Variants in KPNA7 observed in about 807,000 individuals in gnomAD.
KPNA7 encodes the protein karyopherin subunit alpha 7.
In KPNA7, 54 loss-of-function variants were observed where a neutral mutation model predicts 53.7. The observed-to-expected ratio is 1.01, with a 90% CI of 0.81 to 1.26. The LOEUF (loss-of-function observed/expected upper bound fraction) is 1.26, where lower values mean the gene tolerates loss of function less well. Among genes scored for constraint, KPNA7 ranks in the 50% most tolerant of loss-of-function variants. KPNA7 has a pLI of 0.00. For missense variants in KPNA7, 640 were observed against 644.5 expected (o/e 0.99, Z 0.07); for synonymous variants, 276 against 259.3 (o/e 1.06, Z -0.62).
intron 8 of KPNA7, among the ~76,000 whole-genome samples, chr7:99,184,412 C>G (rs1789466417): frequency 6.6e-6 from 1 of 152,180 alleles, no homozygotes; most frequent in African/African-American, 2.4e-5. Context: ...ATCCACCTGA[C>G]TGGGCCTCCC....
chr7:99,170,931 C>T, downstream of KPNA7, among the ~76,000 whole-genome samples: 1 of 152,220 alleles, frequency 6.6e-6, no homozygotes, highest in South Asian at 2.1e-4. Flanking sequence ...GGATTGTCAA[C>T]CAGGAGTCAA....
At position 99,207,382 on chromosome 7, in the gene KPNA7, G is replaced by GT; in HGVS notation, c.66+18dup. On this transcript the variant is annotated intron_variant, in intron 2 of 10. Transcript: ENST00000327442. Reference sequence around the variant, plus strand: ...TTGCACTGGTCCCCAATAGAAGCAGGTGGGTGCTTCATACTCACAGACACA... The same window carrying GT: ...TTGCACTGGTCCCCAATAGAAGCAGGTTGGGTGCTTCATACTCACAGACACA... 1.9e-6 allele frequency: 3 copies of GT among 1,548,084 alleles called. No homozygotes were observed. The highest frequency in any genetic ancestry group is 2.6e-6 in the Non-Finnish European group (3 of 1,143,944).
the KPNA7 span, among the ~76,000 whole-genome samples, chr7:99,161,898 C>G: frequency 6.6e-6 from 1 of 152,146 alleles, no homozygotes; most frequent in Admixed American, 6.6e-5. Flanking sequence ...CCCCAGGGCT[C>G]ATGGCTCCAA....
intron 7 of KPNA7, among the ~76,000 whole-genome samples, chr7:99,186,194 G>A (rs1218382879): frequency 6.6e-6 from 1 of 152,172 alleles, no homozygotes; most frequent in Non-Finnish European, 1.5e-5. Flanking sequence ...ATTTCCTGGT[G>A]TGATTGGGAA....
At chr7:99,217,815 G>A (rs540392051) in intron 1 of KPNA7, among the ~76,000 whole-genome samples, 2 of 151,840 alleles carry the variant, frequency 1.3e-5, no homozygotes, top group East Asian at 3.9e-4. Flanking sequence ...ATTTTTACTA[G>A]AGACAGAGTT....
chr7:99,185,617 C>A (rs1789540569), intron 7 of KPNA7, among the ~76,000 whole-genome samples: 1 of 151,376 alleles, frequency 6.6e-6, no homozygotes, highest in Non-Finnish European at 1.5e-5. Flanking sequence ...AATCATGAGC[C>A]ACTGTGCCTG....
downstream of KPNA7, among the ~76,000 whole-genome samples, chr7:99,172,048 T>C (rs74478205): frequency 0.012 from 1,789 of 152,238 alleles, 33 homozygotes; most frequent in African/African-American, 0.041. Context: ...AGCATATGAG[T>C]GAAGATGTGG....
rs555500908 is a variant in KPNA7 at position 99,187,547 on chromosome 7, C to A, written c.900+753G>T. Among the ~76,000 whole-genome samples, 7 of 138,656 alleles carry A rather than the reference C, an allele frequency of 5.0e-5. No individual in the cohort carries two copies. The East Asian group carries it at 1.1e-3, about 22-fold the overall frequency. The allele number at this position is 138,656 out of a possible 152,430, so 91.0% of individuals were successfully genotyped here. ...GAGACTACAGGTATGCACCACCACA[C>A]CCAGCTAATTTTTTTTTTTTTTTTT... On this transcript the variant is annotated intron_variant, in intron 7 of 10. Transcript: ENST00000327442.
intron 3 of KPNA7, among the ~76,000 whole-genome samples, chr7:99,200,690 A>AAAAAAAATTAAT (rs1790478714): frequency 6.6e-6 from 1 of 152,154 alleles, no homozygotes; most frequent in Admixed American, 6.6e-5. Flanking sequence ...TAATAAATAA[A>AAAAAAAATTAAT]CAAGGCCAGA....
intron 5 of KPNA7, among the ~76,000 whole-genome samples, chr7:99,193,657 C>T (rs35597916): frequency 0.085 from 12,883 of 151,854 alleles, 570 homozygotes; most frequent in South Asian, 0.15. Context: ...ACTTTTTCCT[C>T]CTGCAGCCTT....
At chr7:99,186,927 G>C (rs991225812) in intron 7 of KPNA7, among the ~76,000 whole-genome samples, 2 of 152,156 alleles carry the variant, frequency 1.3e-5, no homozygotes, top group African/African-American at 2.4e-5. Flanking sequence ...AGGCAGCATA[G>C]AGACATCTTC....
chr7:99,208,537 T>C (rs1790935786), upstream of KPNA7, among the ~76,000 whole-genome samples: 1 of 152,132 alleles, frequency 6.6e-6, no homozygotes, highest in African/African-American at 2.4e-5. Context: ...ATTACAGGCG[T>C]GAGCCACCGT....
intron 7 of KPNA7, among the ~76,000 whole-genome samples, chr7:99,186,044 C>CG (rs1789570740): frequency 6.6e-6 from 1 of 151,932 alleles, no homozygotes; most frequent in South Asian, 2.1e-4. Context: ...CTGCCTACCT[C>CG]GGCCTCCCAA....
chr7:99,200,520 C>T (rs186358120), intron 3 of KPNA7, among the ~76,000 whole-genome samples: 8 of 152,220 alleles, frequency 5.3e-5, no homozygotes, highest in East Asian at 3.9e-4. Flanking sequence ...TGGGGTGCCA[C>T]GATACAGCCT....
intron 10 of KPNA7, among the ~76,000 whole-genome samples, chr7:99,176,565 C>T (rs919800602): frequency 1.7e-4 from 26 of 151,910 alleles, no homozygotes; most frequent in African/African-American, 6.3e-4. Flanking sequence ...CTAGCAATTC[C>T]ACTCTAGGTA....
chr7:99,188,550 C>T lies in KPNA7; in HGVS notation c.650G>A (p.Arg217Gln), dbSNP rs745689829. ...ISPTLPITFL[R>Q]NITWTLSNLC... ...ATTCGACAAGGTCCACGTGATGTTC[C>T]GCAGAAATGTGATCTGTAACAAGGA... The change falls in exon 7 of 11, where the codon CGG (arginine) becomes CAG (glutamine). Residue 217 changes from arginine (R) to glutamine (Q), a missense_variant. Arg to Gln is a conservative substitution (Grantham distance 43). Coordinates refer to ENST00000327442, the MANE Select transcript of KPNA7 (RefSeq NM_001145715.3). 1.4e-5 allele frequency: 21 copies of T among 1,551,194 alleles called. No individual in the cohort carries two copies. The highest frequency in any genetic ancestry group is 8.3e-5 in the South Asian group (7 of 84,060).
Position 99,203,243 on chromosome 7 carries a change from AG to A in KPNA7, c.67-4del, listed in dbSNP as rs781604187. On this transcript the variant is annotated splice_region_variant and splice_polypyrimidine_tract_variant and intron_variant, in intron 2 of 10. Transcript: ENST00000327442. Reference sequence around the variant, plus strand: ...GCCATCCTCTGCTGTCGCCTCAGCTAGTGAGGAAAAGAAATTGGAGCATTTA... The same window carrying A: ...GCCATCCTCTGCTGTCGCCTCAGCTATGAGGAAAAGAAATTGGAGCATTTA... 1.0e-5 allele frequency: 16 copies of A among 1,549,572 alleles called. No homozygotes were observed. In the South Asian group the frequency reaches 1.7e-4, roughly 16 times the overall value.
the KPNA7 span, among the ~76,000 whole-genome samples, chr7:99,165,852 TTG>T: frequency 6.6e-6 from 1 of 152,072 alleles, no homozygotes; most frequent in African/African-American, 2.4e-5. Context: ...GGGTTTCGAT[TTG>T]TGTCTCTGAC....
chr7:99,215,975 T>TAA (rs77323325), intron 1 of KPNA7, among the ~76,000 whole-genome samples: 18 of 133,808 alleles, frequency 1.3e-4, no homozygotes, highest in Middle Eastern at 3.8e-3. Context: ...CTTCTCTAAT[T>TAA]AAAAAAAAAA....
Sources: allele counts gnomAD v4.1 joint callset (sites outside exome capture counted in the v4.1 genomes callset), GRCh38; gene constraint gnomAD v4.1.1; transcripts MANE v1.5; gene names NCBI Gene and HGNC (gene_info 2026-07-23, HGNC 2026-07-21).